Variants in CERS3 observed in about 807,000 individuals in gnomAD.
The protein encoded by CERS3 is ceramide synthase 3, also known as LAG1 homolog, ceramide synthase 3.
A neutral mutation model predicts 50.3 loss-of-function variants in CERS3; 33 were observed. The observed-to-expected ratio is 0.66, with a 90% CI of 0.50 to 0.88. CERS3 has a LOEUF of 0.88. Ranked by LOEUF, CERS3 falls within the 40% of genes least tolerant of loss-of-function variation. CERS3 has a pLI of 0.00. For synonymous variants in CERS3, 176 were observed against 155.2 expected (o/e 1.13, Z -0.99); for missense variants, 470 against 460.3 (o/e 1.02, Z -0.19).
chr15:100,503,675 GC>G (rs1396130521), intron 2 of CERS3: 3 of 470,612 alleles, frequency 6.4e-6, no homozygotes, highest in Non-Finnish European at 1.3e-5. Context: ...TGGATTTCAA[GC>G]CCCCTCCCCA....
chr15:100,436,942 CT>C (rs755700746), intron 11 of CERS3, among the ~76,000 whole-genome samples: 4,617 of 129,546 alleles, frequency 0.036, 155 homozygotes, highest in African/African-American at 0.12. Flanking sequence ...TCTTTCCTGA[CT>C]TTTTTTTTTT....
At chr15:100,512,400 C>T (rs1327798397) in intron 2 of CERS3, among the ~76,000 whole-genome samples, 1 of 152,184 alleles carries the variant, frequency 6.6e-6, no homozygotes, top group African/African-American at 2.4e-5. Flanking sequence ...TTCAGCACCT[C>T]CCTTGGGGGT....
chr15:100,419,462 G>A (rs1404860165), intron 11 of CERS3, among the ~76,000 whole-genome samples: 203 of 124,970 alleles, frequency 1.6e-3, no homozygotes, highest in South Asian at 3.5e-3. Flanking sequence ...AAGAGACTTA[G>A]ACTCCCACAC....
At chr15:100,526,962 T>G (rs1051332505) in intron 1 of CERS3, among the ~76,000 whole-genome samples, 2 of 152,178 alleles carry the variant, frequency 1.3e-5, no homozygotes, top group African/African-American at 4.8e-5. Flanking sequence ...ATGGATGTTA[T>G]AATAATTATT....
At position 100,402,764 on chromosome 15, in the gene CERS3, G is replaced by A. The variant is rs556349640; in HGVS notation, c.1101C>T (p.Asn367=). 1.9e-5 allele frequency: 31 copies of A among 1,614,142 alleles called. No individual in the cohort carries two copies. Among genetic ancestry groups the A allele is most frequent in the Admixed American group, 1.8e-4 (11 of 60,032 alleles). ...TKGKEMDCLK[N]GLRAERHLIP... ...TGAGGTGCCTCTCAGCCCTGAGGCC[G>A]TTCTTTAAACAATCCATCTCTTTGC... The change falls in exon 12 of 12, where the codon AAC becomes AAT. Residue 367 remains asparagine (N), a synonymous_variant. Transcript: ENST00000679737.
At chr15:100,442,161 T>C (rs2654592) in intron 11 of CERS3, among the ~76,000 whole-genome samples, 145,078 of 152,226 alleles carry the variant, frequency 0.95, 69,538 homozygotes, top group East Asian at 1. Flanking sequence ...AATCAGATAG[T>C]GTTTAGGCTC....
chr15:100,463,075 T>C (rs1314865741), intron 10 of CERS3, among the ~76,000 whole-genome samples: 1 of 152,098 alleles, frequency 6.6e-6, no homozygotes, highest in Non-Finnish European at 1.5e-5. Context: ...GGTGGGGAAG[T>C]AGAGAGAGAA....
At position 100,483,787 on chromosome 15, in the gene CERS3, A is replaced by AT. The variant is rs10622678; in HGVS notation, c.407+762dup. Among the ~76,000 whole-genome samples the AT allele has an allele frequency of 1.9e-4, 19 of 100,018 alleles. 1 individual carries two copies. Among genetic ancestry groups the AT allele is most frequent in the African/African-American group, 3.1e-4 (8 of 26,128 alleles). The allele number at this position is 100,018 out of a possible 152,430, so 65.6% of individuals were successfully genotyped here. On this transcript the variant is annotated intron_variant, in intron 5 of 11. Transcript: ENST00000679737. Reference sequence around the variant, plus strand: ...AATAATAATAATAATTATTATTATTATTTTTTTTTTTGAGACAGAGTCTTG... The same window carrying AT: ...AATAATAATAATAATTATTATTATTATTTTTTTTTTTTGAGACAGAGTCTTG...
At chr15:100,431,733 T>G (rs2033145075) in intron 11 of CERS3, among the ~76,000 whole-genome samples, 1 of 152,184 alleles carries the variant, frequency 6.6e-6, no homozygotes, top group Non-Finnish European at 1.5e-5. Flanking sequence ...AGAAGAGGAC[T>G]GTCAAAAATT....
At chr15:100,542,351 G>T (rs906793332) in intron 1 of CERS3, among the ~76,000 whole-genome samples, 3 of 152,276 alleles carry the variant, frequency 2.0e-5, no homozygotes, top group South Asian at 2.1e-4. Flanking sequence ...ATTTGGTCAC[G>T]CATGGCAACA....
rs757064375 is a variant in CERS3 at position 100,503,623 on chromosome 15, A to G, written c.-1-1773T>C. 7.8e-5 allele frequency: 36 copies of G among 461,550 alleles called. 1 individual carries two copies. The highest frequency in any genetic ancestry group is 7.1e-4 in the Admixed American group (30 of 41,982). 28.6% of individuals were successfully genotyped at this position (461,550 alleles called of 1,614,324 possible). On this transcript the variant is annotated intron_variant, in intron 2 of 11. Transcript: ENST00000679737. ...AGAGGAAGGTATTCTCTCTAGGCAGACACAGCTCTACCAAGCCCAAAATGA... is the reference window on the plus strand; with the variant it reads ...AGAGGAAGGTATTCTCTCTAGGCAGGCACAGCTCTACCAAGCCCAAAATGA...
intron 11 of CERS3, among the ~76,000 whole-genome samples, chr15:100,433,737 A>C (rs1418471410): frequency 6.6e-6 from 1 of 152,206 alleles, no homozygotes; most frequent in Non-Finnish European, 1.5e-5. Context: ...ACACACACAC[A>C]CCTATACATG....
At chr15:100,451,899 TATAATG>T (rs2034185778) in intron 11 of CERS3, among the ~76,000 whole-genome samples, 3 of 152,284 alleles carry the variant, frequency 2.0e-5, no homozygotes, top group South Asian at 4.1e-4. Flanking sequence ...AAGACCATTA[TATAATG>T]ATAAAGAGAT....
chr15:100,446,807 G>A (rs2033960597), intron 11 of CERS3, among the ~76,000 whole-genome samples: 2 of 152,088 alleles, frequency 1.3e-5, no homozygotes, highest in South Asian at 4.1e-4. Context: ...TGAAAATCTA[G>A]TTGAGGCCAT....
chr15:100,475,838 G>GT lies in CERS3; in HGVS notation c.609+247dup, dbSNP rs564472925. On this transcript the variant is annotated intron_variant, in intron 8 of 11. Transcript: ENST00000679737. Reference sequence around the variant, plus strand: ...CAAGAAACAGACATATAAAGGAAATGTTTTTTTTCTTATTGAACAGAGGTG... The same window carrying GT: ...CAAGAAACAGACATATAAAGGAAATGTTTTTTTTTCTTATTGAACAGAGGTG... 68 of 214,440 alleles carry GT rather than the reference G, an allele frequency of 3.2e-4. No homozygotes were observed. In the South Asian group the frequency reaches 4.1e-3, roughly 13 times the overall value. The allele number at this position is 214,440 out of a possible 1,614,324, so 13.3% of individuals were successfully genotyped here.
rs1003713996 is a variant in CERS3, at chr15:100,479,853, G to A, written c.465+136C>T. The A allele has an allele frequency of 1.3e-5, 9 of 679,558 alleles. No homozygotes were observed. In the African/African-American group the frequency reaches 1.7e-4, roughly 13 times the overall value. 42.1% of individuals were successfully genotyped at this position (679,558 alleles called of 1,614,324 possible). A position where few individuals can be genotyped will look rare whatever the true frequency, so the allele number is the denominator to read the frequency against. ...TTGAGACATCTGTAGCAATATTTGA[G>A]ACAAATGTTGAATCTTGAGAGAAAT... On this transcript the variant is annotated intron_variant, in intron 6 of 11. Coordinates refer to ENST00000679737, the MANE Select transcript of CERS3 (RefSeq NM_001378789.1).
chr15:100,449,681 C>G (rs778558680), intron 11 of CERS3, among the ~76,000 whole-genome samples: 1 of 152,190 alleles, frequency 6.6e-6, no homozygotes, highest in Admixed American at 6.5e-5. Flanking sequence ...ATTGCATGCA[C>G]CCAGAATCAC....
chr15:100,502,267 A>AAAAGAAAG (rs1555532593), intron 2 of CERS3, among the ~76,000 whole-genome samples: 62 of 109,246 alleles, frequency 5.7e-4, no homozygotes, highest in Non-Finnish European at 9.3e-4. Flanking sequence ...AAAAAAAAAA[A>AAAAGAAAG]AAAGAAAGAA....
chr15:100,409,357 T>G (rs898676843), intron 11 of CERS3, among the ~76,000 whole-genome samples: 1 of 152,168 alleles, frequency 6.6e-6, no homozygotes, highest in Non-Finnish European at 1.5e-5. Context: ...TGGCAACCTA[T>G]TCATGATTTG....
Sources: gnomAD v4.1 joint callset for allele counts (sites outside exome capture counted in the v4.1 genomes callset) on GRCh38, gnomAD v4.1.1 for gene constraint, MANE v1.5 for transcripts, NCBI Gene and HGNC (gene_info 2026-07-23, HGNC 2026-07-21) for gene names.